BTNL2: variants seen among roughly 807,000 people sequenced by gnomAD.
BTNL2 encodes butyrophilin like 2, also known as butyrophilin-like protein 2.
Under a neutral mutation model 46.8 loss-of-function variants are expected in BTNL2, and 46 were observed. The observed-to-expected ratio is 0.98, with a 90% CI of 0.78 to 1.26. BTNL2 has a LOEUF of 1.26. Among genes scored for constraint, BTNL2 ranks in the 50% most tolerant of loss-of-function variants. The pLI, the probability that BTNL2 is intolerant of heterozygous loss-of-function variation, is 0.00. For missense variants in BTNL2, 461 were observed against 592.6 expected (o/e 0.78, Z 2.31); for synonymous variants, 226 against 229.1 (o/e 0.99, Z 0.12).
At chr6:32,400,087 G>A (rs1776659413) in intron 4 of BTNL2, among the ~76,000 whole-genome samples, 1 of 152,204 alleles carries the variant, frequency 6.6e-6, no homozygotes, top group African/African-American at 2.4e-5. Context: ...ACCTTCTTGA[G>A]AGACAGACTT....
At chr6:32,395,090 C>T in intron 5 of BTNL2, 65 bp from the exon 6 acceptor site, 3 of 1,482,220 alleles carry the variant, frequency 2.0e-6, no homozygotes, top group Non-Finnish European at 2.7e-6. Context: ...AGCAATTTCA[C>T]TGGGAGGAAA....
At chr6:32,397,585 T>C (rs1776528446) in intron 4 of BTNL2, among the ~76,000 whole-genome samples, 1 of 152,252 alleles carries the variant, frequency 6.6e-6, no homozygotes, top group Non-Finnish European at 1.5e-5. Context: ...AACTACTTCT[T>C]AATCTGTCTT....
At chr6:32,400,212 C>T (rs903525572) in intron 4 of BTNL2, among the ~76,000 whole-genome samples, 1 of 152,132 alleles carries the variant, frequency 6.6e-6, no homozygotes, top group African/African-American at 2.4e-5. Context: ...GGGACCCTTC[C>T]CTTTATGTTT....
chr6:32,406,967 A>T (rs1349720691), intron 1 of BTNL2, 78 bp downstream of exon 1: 8 of 1,368,568 alleles, frequency 5.8e-6, no homozygotes, highest in Non-Finnish European at 8.3e-6. Flanking sequence ...ACACTCTTAG[A>T]TGTTGTTCTC....
chr6:32,407,163 G>A lies in BTNL2; in HGVS notation c.-40C>T. 6.3e-7 allele frequency: 1 copy of A among 1,577,028 alleles called. No individual in the cohort carries two copies. Among genetic ancestry groups the A allele is most frequent in the Non-Finnish European group, 8.7e-7 (1 of 1,147,630 alleles). ...AGACAAGGAAACGCTGTGCCTAAGT[G>A]AGGCTGTGACACACCCGGCACACTC... On this transcript the variant is annotated 5_prime_UTR_variant, in exon 1 of 8. Transcript: ENST00000454136.
At chr6:32,400,755 A>AAAAAAAAG in intron 4 of BTNL2, among the ~76,000 whole-genome samples, 1 of 140,208 alleles carries the variant, frequency 7.1e-6, no homozygotes, top group African/African-American at 2.6e-5. Context: ...TAAAAAAAAA[A>AAAAAAAAG]AAAAAAAATT....
chr6:32,400,356 A>G (rs1776674744), intron 4 of BTNL2, among the ~76,000 whole-genome samples: 2 of 152,138 alleles, frequency 1.3e-5, no homozygotes, highest in African/African-American at 2.4e-5. Context: ...ACACACATGG[A>G]TACACATTCC....
chr6:32,406,806 C>G (rs987725314), intron 1 of BTNL2: 1 of 363,286 alleles, frequency 2.8e-6, no homozygotes, highest in Non-Finnish European at 5.1e-6. Context: ...TGCTGTTATT[C>G]TCATTAAAAA....
Position 32,394,654 on chromosome 6 carries a change from C to A in BTNL2, c.1360+90G>T. ...TCGTCAGAGATCAGCAAATAAAAAT[C>A]ACAAAGGAAGAAGAGCAATACAATG... is the stretch of plus-strand genomic sequence containing the variant. On this transcript the variant is annotated intron_variant, in intron 6 of 7. Coordinates refer to ENST00000454136, the MANE Select transcript of BTNL2 (RefSeq NM_001304561.2). The surrounding 1 kb of genome is among the most constrained non-coding windows in gnomAD (Gnocchi z 4.6). 1.4e-6 allele frequency: 2 copies of A among 1,438,752 alleles called. No individual in the cohort carries two copies. The highest frequency in any genetic ancestry group is 1.9e-6 in the Non-Finnish European group (2 of 1,058,438). The allele number at this position is 1,438,752 out of a possible 1,614,324, so 89.1% of individuals were successfully genotyped here.
intron 4 of BTNL2, 127 bp downstream of exon 4, chr6:32,401,658 C>T (rs995951460): frequency 1.1e-4 from 92 of 821,340 alleles, no homozygotes; most frequent in Non-Finnish European, 1.7e-4. Context: ...ATTTAATGAA[C>T]ATAGGACCTG....
At position 32,396,224 on chromosome 6, in the gene BTNL2, T is replaced by A. The variant is rs1032034524; in HGVS notation, c.893A>T (p.Asp298Val). The A allele has an allele frequency of 6.2e-7, 1 of 1,612,932 alleles. No homozygotes were observed. The highest frequency in any genetic ancestry group is 1.7e-5 in the Admixed American group (1 of 60,000). Residue 298 changes from aspartate to valine, a missense_variant, in exon 5 of 8, where the codon GAC (aspartate) becomes GTC (valine). Transcript: ENST00000454136. This position sits in a 1 kb window ranked among gnomAD's most constrained non-coding sequence, Gnocchi z 4.4. ...TGCCATCTGCTCTCCAGCCACATGG[T>A]CCCCATCCATATACACATGCACAGC... ...YPAVHVYMDG[D>V]HVAGEQMAEY...
intron 2 of BTNL2, among the ~76,000 whole-genome samples, chr6:32,404,090 G>A (rs115117407): frequency 0.1 from 15,855 of 151,806 alleles, 958 homozygotes; most frequent in East Asian, 0.2. Flanking sequence ...CTTGAACACA[G>A]TAACAGTAAT....
chr6:32,402,907 A>G (rs2076524), intron 3 of BTNL2, 28 bp downstream of exon 3: 439,424 of 1,604,886 alleles, frequency 0.27, 62,570 homozygotes, highest in Admixed American at 0.33. Context: ...TGATCTGAGC[A>G]TGTGGGTCCT....
Position 32,396,521 on chromosome 6 carries a change from G to A in BTNL2, c.731-135C>T, listed in dbSNP as rs1583254625. The A allele has an allele frequency of 3.7e-6, 3 of 819,364 alleles. No homozygotes were observed. The highest frequency in any genetic ancestry group is 6.0e-6 in the Non-Finnish European group (3 of 501,512). The allele number at this position is 819,364 out of a possible 1,614,324, so 50.8% of individuals were successfully genotyped here. ...GCTGTGAGGCTCAGGGTCATCCTTA[G>A]GTGAGGTGGGGGTTTCATGGACTCA... On this transcript the variant is annotated intron_variant, in intron 4 of 7. Transcript: ENST00000454136. The surrounding 1 kb of genome is among the most constrained non-coding windows in gnomAD (Gnocchi z 4.4).
chr6:32,395,854 T>G (rs1233319948), intron 5 of BTNL2, among the ~76,000 whole-genome samples, 185 bp downstream of exon 5: 1 of 152,250 alleles, frequency 6.6e-6, no homozygotes, highest in Admixed American at 6.5e-5. Flanking sequence ...TAATTAAATT[T>G]CATCCATTTG....
intron 4 of BTNL2, 95 bp downstream of exon 4, chr6:32,401,690 T>C: frequency 8.1e-7 from 1 of 1,233,558 alleles, no homozygotes; most frequent in African/African-American, 1.5e-5. Flanking sequence ...CCTCAGTTTT[T>C]CCTCTGGGTC....
intron 4 of BTNL2, 26 bp downstream of exon 4, chr6:32,401,759 G>C (rs779146636): frequency 6.2e-7 from 1 of 1,608,594 alleles, no homozygotes; most frequent in Non-Finnish European, 8.5e-7. Flanking sequence ...TCCCTCCACA[G>C]GTGTGTGCCA....
chr6:32,395,128 G>C, intron 5 of BTNL2, 103 bp from the exon 6 acceptor site: 4 of 1,255,502 alleles, frequency 3.2e-6, no homozygotes, highest in South Asian at 1.5e-5. Context: ...CTTGGGGAAG[G>C]GAGAAAAGCT....
intron 1 of BTNL2, chr6:32,406,531 G>A (rs1777163967): frequency 6.6e-6 from 1 of 151,048 alleles, no homozygotes. Context: ...TTTTGACACT[G>A]AATTTTTAAA....
Sources: allele counts gnomAD v4.1 joint callset (sites outside exome capture counted in the v4.1 genomes callset), GRCh38; gene constraint gnomAD v4.1.1; non-coding constraint Gnocchi (gnomAD v3.1); transcripts MANE v1.5; gene names NCBI Gene and HGNC (gene_info 2026-07-23, HGNC 2026-07-21).